Variants in KCNB2 observed in about 807,000 individuals in gnomAD.
KCNB2 encodes the protein delayed rectifier potassium channel protein.
In KCNB2, 15 loss-of-function variants were observed where a neutral mutation model predicts 61.5. The ratio of observed to expected loss-of-function variants is 0.24; its 90% CI spans 0.16 to 0.38. KCNB2 has a LOEUF of 0.38. Among genes scored for constraint, KCNB2 ranks in the 10% least tolerant of loss-of-function variants. KCNB2 has a pLI of 1.00. For missense variants in KCNB2, 828 were observed against 1,125.2 expected (o/e 0.74, Z 3.78); for synonymous variants, 457 against 446.0 (o/e 1.02, Z -0.31).
chr8:72,795,459 A>G (rs990611325), intron 2 of KCNB2, among the ~76,000 whole-genome samples: 4 of 152,228 alleles, frequency 2.6e-5, no homozygotes, highest in Non-Finnish European at 4.4e-5. Flanking sequence ...TATAATGTGA[A>G]TGGAATGGTA....
At chr8:72,667,004 T>TGAGA (rs1426476326) in intron 2 of KCNB2, among the ~76,000 whole-genome samples, 7 of 120,836 alleles carry the variant, frequency 5.8e-5, no homozygotes, top group Admixed American at 2.2e-4. Context: ...TGTGTGTGTG[T>TGAGA]GTGAGAGAGA....
At chr8:72,908,062 C>T (rs143262658) in intron 2 of KCNB2, among the ~76,000 whole-genome samples, 76 of 152,288 alleles carry the variant, frequency 5.0e-4, no homozygotes, top group Non-Finnish European at 6.0e-4. Context: ...TATTCTTCCT[C>T]TAAGAAAATG....
chr8:72,861,116 G>A (rs1259899853), intron 2 of KCNB2, among the ~76,000 whole-genome samples: 1 of 152,062 alleles, frequency 6.6e-6, no homozygotes, highest in Non-Finnish European at 1.5e-5. Flanking sequence ...TCATTTATAT[G>A]TTCTCAAGAT....
intron 2 of KCNB2, among the ~76,000 whole-genome samples, chr8:72,806,059 A>G (rs540138074): frequency 6.6e-6 from 1 of 152,192 alleles, no homozygotes; most frequent in African/African-American, 2.4e-5. Flanking sequence ...TCATGCTCTC[A>G]ATTCATTAAA....
chr8:72,689,530 C>T (rs1806908277), intron 2 of KCNB2, among the ~76,000 whole-genome samples: 1 of 152,182 alleles, frequency 6.6e-6, no homozygotes, highest in African/African-American at 2.4e-5. Context: ...AAAAAGAAAG[C>T]TTGTGTCCAT....
intron 1 of KCNB2, among the ~76,000 whole-genome samples, chr8:72,554,194 G>A (rs891641401): frequency 3.3e-5 from 5 of 152,010 alleles, no homozygotes; most frequent in Admixed American, 2.0e-4. Context: ...TATTCTTTGC[G>A]GTGATCCTGT....
chr8:72,890,050 T>C (rs1805871068), intron 2 of KCNB2, among the ~76,000 whole-genome samples: 1 of 152,132 alleles, frequency 6.6e-6, no homozygotes, highest in Non-Finnish European at 1.5e-5. Context: ...CACGGCCTTA[T>C]TTTTTCATCT....
chr8:72,770,606 A>G (rs1360494632), intron 2 of KCNB2, among the ~76,000 whole-genome samples: 1 of 152,216 alleles, frequency 6.6e-6, no homozygotes, highest in Non-Finnish European at 1.5e-5. Context: ...AGGGCAAGTT[A>G]CTTCCTAGGC....
chr8:72,546,032 G>T (rs754948198), intron 1 of KCNB2, among the ~76,000 whole-genome samples: 1 of 152,058 alleles, frequency 6.6e-6, no homozygotes, highest in African/African-American at 2.4e-5. Context: ...GTGAGTTCTT[G>T]GATATTGGTA....
chr8:72,811,775 G>A (rs1056303629), intron 2 of KCNB2, among the ~76,000 whole-genome samples: 3 of 152,176 alleles, frequency 2.0e-5, no homozygotes, highest in Admixed American at 6.5e-5. Flanking sequence ...AGGGACAAAG[G>A]GAACAGGAAT....
chr8:72,888,599 A>T (rs1446762143), intron 2 of KCNB2, among the ~76,000 whole-genome samples: 1 of 152,220 alleles, frequency 6.6e-6, no homozygotes, highest in Non-Finnish European at 1.5e-5. Flanking sequence ...AAAATAAGAA[A>T]ACATTCCATA....
chr8:72,629,154 A>G (rs1413962540), intron 2 of KCNB2, among the ~76,000 whole-genome samples: 3 of 152,306 alleles, frequency 2.0e-5, no homozygotes, highest in African/African-American at 7.2e-5. Context: ...TCAGAAATCC[A>G]TGTCTTCTGA....
chr8:72,896,129 A>G (rs1279677520), intron 2 of KCNB2, among the ~76,000 whole-genome samples: 1 of 152,176 alleles, frequency 6.6e-6, no homozygotes, highest in Non-Finnish European at 1.5e-5. Context: ...AGACTAAAAG[A>G]AAGTTAGCTC....
chr8:72,664,580 A>G (rs1234537298), intron 2 of KCNB2, among the ~76,000 whole-genome samples: 1 of 152,188 alleles, frequency 6.6e-6, no homozygotes, highest in East Asian at 1.9e-4. Flanking sequence ...CAAAGGAAAG[A>G]CTTCCCTTTC....
At chr8:72,788,098 G>A (rs866761555) in intron 2 of KCNB2, among the ~76,000 whole-genome samples, 1 of 152,080 alleles carries the variant, frequency 6.6e-6, no homozygotes, top group Admixed American at 6.6e-5. Flanking sequence ...TTAAGGACTT[G>A]GCATTCTGTT....
At chr8:72,859,609 C>G (rs1268238594) in intron 2 of KCNB2, among the ~76,000 whole-genome samples, 1 of 150,276 alleles carries the variant, frequency 6.7e-6, no homozygotes, top group Non-Finnish European at 1.5e-5. Context: ...CATATATATT[C>G]ACAGTACAGT....
intron 2 of KCNB2, among the ~76,000 whole-genome samples, chr8:72,927,087 T>G (rs1417152418): frequency 6.6e-6 from 1 of 152,146 alleles, no homozygotes; most frequent in African/African-American, 2.4e-5. Flanking sequence ...AATTAGCCTT[T>G]CCAGCAAGTT....
chr8:72,920,954 C>T (rs141964290), intron 2 of KCNB2, among the ~76,000 whole-genome samples: 8 of 152,122 alleles, frequency 5.3e-5, no homozygotes, highest in African/African-American at 1.9e-4. Context: ...AGGGGTATAA[C>T]AGGTAGATAA....
At chr8:72,597,220 G>A (rs1807213479) in intron 2 of KCNB2, among the ~76,000 whole-genome samples, 2 of 151,908 alleles carry the variant, frequency 1.3e-5, no homozygotes, top group South Asian at 4.2e-4. Context: ...GACATTAGTA[G>A]AGACGGGGTT....
Sources: allele counts gnomAD v4.1 joint callset (sites outside exome capture counted in the v4.1 genomes callset), GRCh38; gene constraint gnomAD v4.1.1; transcripts MANE v1.5; gene names NCBI Gene and HGNC (gene_info 2026-07-23, HGNC 2026-07-21).